The following PARD3B variants were observed in gnomAD, a reference collection of about 807,000 sequenced individuals.
PARD3B encodes the protein partitioning defective 3 homolog B.
A neutral mutation model predicts 130.2 loss-of-function variants in PARD3B; 103 were observed. That is an observed-to-expected ratio of 0.79 (90% CI 0.67 to 0.93). The LOEUF (loss-of-function observed/expected upper bound fraction) is 0.93, where lower values mean the gene tolerates loss of function less well. Ranked by LOEUF, PARD3B falls within the 40% of genes least tolerant of loss-of-function variation. The probability of loss-of-function intolerance (pLI) is 0.00; values close to 1 mark genes in which losing one functional copy is unlikely to be tolerated. For missense variants in PARD3B, 1,609 were observed against 1,499.2 expected, an observed-to-expected ratio of 1.07 and a Z score of -1.21; for synonymous variants, 583 against 553.2, an observed-to-expected ratio of 1.05 and a Z score of -0.76.
intron 18 of PARD3B, among the ~76,000 whole-genome samples, chr2:205,339,269 G>C (rs969473090): frequency 6.6e-6 from 1 of 152,070 alleles, no homozygotes; most frequent in African/African-American, 2.4e-5. Flanking sequence ...CACAAAATAA[G>C]AAGAAATAGA....
At chr2:205,378,626 T>C (rs1242167806) in intron 18 of PARD3B, among the ~76,000 whole-genome samples, 1 of 132,512 alleles carries the variant, frequency 7.5e-6, no homozygotes, top group Non-Finnish European at 1.5e-5. Flanking sequence ...AGAGACATGA[T>C]TTTTTTTTCT....
chr2:204,785,533 T>C (rs1307726264), intron 2 of PARD3B, among the ~76,000 whole-genome samples: 1 of 152,166 alleles, frequency 6.6e-6, no homozygotes, highest in Non-Finnish European at 1.5e-5. Context: ...TAAGGTTGGA[T>C]AGATACTCCT....
At chr2:204,555,648 CA>C (rs2030871785) in intron 1 of PARD3B, among the ~76,000 whole-genome samples, 1 of 152,128 alleles carries the variant, frequency 6.6e-6, no homozygotes. Context: ...TTGAGGACTC[CA>C]GCACCCTATA....
intron 3 of PARD3B, among the ~76,000 whole-genome samples, chr2:205,034,013 G>A (rs1469877238): frequency 1.3e-5 from 2 of 152,084 alleles, no homozygotes; most frequent in Admixed American, 1.3e-4. Context: ...AGTGTGAATC[G>A]TGTTTATTTT....
chr2:205,034,916 G>A (rs954339661), intron 3 of PARD3B, among the ~76,000 whole-genome samples: 2 of 151,924 alleles, frequency 1.3e-5, no homozygotes, highest in African/African-American at 2.4e-5. Flanking sequence ...GAGTGCAGTC[G>A]TGCTATCTCA....
chr2:205,217,811 T>C, intron 15 of PARD3B, among the ~76,000 whole-genome samples: 1 of 55,190 alleles, frequency 1.8e-5, no homozygotes, highest in Non-Finnish European at 3.2e-5. Flanking sequence ...TATGTGTGTA[T>C]ATATGTATAT....
chr2:205,135,734 C>G (rs1449842273), intron 10 of PARD3B, among the ~76,000 whole-genome samples: 2 of 152,108 alleles, frequency 1.3e-5, no homozygotes, highest in Non-Finnish European at 2.9e-5. Context: ...GAACATATGA[C>G]ACATAACGCA....
chr2:205,426,972 G>A (rs981475784), intron 19 of PARD3B, among the ~76,000 whole-genome samples: 1 of 152,052 alleles, frequency 6.6e-6, no homozygotes, highest in Non-Finnish European at 1.5e-5. Flanking sequence ...GATATGGACA[G>A]CTCACAGAAG....
intron 20 of PARD3B, among the ~76,000 whole-genome samples, chr2:205,466,012 G>T (rs943115566): frequency 2.6e-5 from 4 of 152,158 alleles, no homozygotes; most frequent in African/African-American, 9.7e-5. Flanking sequence ...TTCTACAGAA[G>T]AAAGTTTAGC....
At chr2:205,380,865 A>AAT (rs1395647405) in intron 18 of PARD3B, among the ~76,000 whole-genome samples, 616 of 36,504 alleles carry the variant, frequency 0.017, 5 homozygotes, top group Non-Finnish European at 0.026. Flanking sequence ...CATTATATAT[A>AAT]ATATAAAGAA....
At chr2:205,581,797 A>G (rs962301250) in intron 22 of PARD3B, among the ~76,000 whole-genome samples, 1 of 152,134 alleles carries the variant, frequency 6.6e-6, no homozygotes, top group African/African-American at 2.4e-5. Flanking sequence ...AAAAACTGTA[A>G]TTATTTTCTT....
chr2:204,795,908 AT>A (rs1390214096), intron 2 of PARD3B, among the ~76,000 whole-genome samples: 1 of 152,122 alleles, frequency 6.6e-6, no homozygotes, highest in Non-Finnish European at 1.5e-5. Context: ...GAATCCTGTC[AT>A]TTTTGTCTTG....
chr2:204,966,657 A>C lies in PARD3B; in HGVS notation c.394+1334A>C, dbSNP rs371867152. On this transcript the variant is annotated intron_variant, in intron 3 of 22. Coordinates refer to ENST00000406610, the MANE Select transcript of PARD3B (RefSeq NM_001302769.2). ...GAGAATTTGTTTTCACCTCTCTCTTATGAGCTTTGTCAGGGAAAAAAGATT... is the reference window on the plus strand; with the variant it reads ...GAGAATTTGTTTTCACCTCTCTCTTCTGAGCTTTGTCAGGGAAAAAAGATT... 2.0e-5 allele frequency among the ~76,000 whole-genome samples: 3 copies of C among 152,268 alleles called. No individual in the cohort carries two copies. In the South Asian group the frequency reaches 6.2e-4, roughly 32 times the overall value.
chr2:204,835,199 C>T (rs1360007617), intron 2 of PARD3B, among the ~76,000 whole-genome samples: 1 of 152,228 alleles, frequency 6.6e-6, no homozygotes, highest in Non-Finnish European at 1.5e-5. Flanking sequence ...GGGTGCTACA[C>T]CCAGTCCTCT....
chr2:204,930,683 C>T (rs971339172), intron 2 of PARD3B, among the ~76,000 whole-genome samples: 2 of 152,040 alleles, frequency 1.3e-5, no homozygotes, highest in African/African-American at 2.4e-5. Flanking sequence ...TATTCTGCAA[C>T]TTGTTTTGGG....
intron 1 of PARD3B, among the ~76,000 whole-genome samples, chr2:204,667,124 A>T (rs1451828373): frequency 6.6e-6 from 1 of 152,140 alleles, no homozygotes; most frequent in Admixed American, 6.5e-5. Context: ...GAAAGACTTA[A>T]TCATGGGTGT....
At chr2:205,039,337 C>T (rs1347869209) in intron 3 of PARD3B, among the ~76,000 whole-genome samples, 1 of 152,180 alleles carries the variant, frequency 6.6e-6, no homozygotes, top group Non-Finnish European at 1.5e-5. Flanking sequence ...GTGAGACAAG[C>T]ATCTTACCAG....
intron 7 of PARD3B, among the ~76,000 whole-genome samples, chr2:205,120,987 C>G (rs1034154360): frequency 6.6e-6 from 1 of 152,174 alleles, no homozygotes; most frequent in African/African-American, 2.4e-5. Flanking sequence ...CACAGTTGCT[C>G]TGTGTGAGAG....
intron 2 of PARD3B, among the ~76,000 whole-genome samples, chr2:204,709,007 G>T (rs1057022152): frequency 2.0e-5 from 3 of 152,094 alleles, no homozygotes; most frequent in African/African-American, 7.2e-5. Flanking sequence ...ATTTAGCATA[G>T]TACATCTCAA....
Sources: gnomAD v4.1 joint callset for allele counts (sites outside exome capture counted in the v4.1 genomes callset) on GRCh38, gnomAD v4.1.1 for gene constraint, MANE v1.5 for transcripts, NCBI Gene and HGNC (gene_info 2026-07-23, HGNC 2026-07-21) for gene names.